The following FRMD3 variants were observed in gnomAD, a reference collection of about 807,000 sequenced individuals.
FRMD3 encodes the protein FERM domain-containing protein 3.
FRMD3 carries 33 observed loss-of-function variants against 70.2 expected under a neutral mutation model. The ratio of observed to expected loss-of-function variants is 0.47; its 90% CI spans 0.36 to 0.63. The LOEUF (loss-of-function observed/expected upper bound fraction) is 0.63. Ranked by LOEUF, FRMD3 falls within the 20% of genes least tolerant of loss-of-function variation. The pLI is 0.00. For missense variants in FRMD3, 632 were observed against 711.4 expected (o/e 0.89, Z 1.27); for synonymous variants, 279 against 255.9 (o/e 1.09, Z -0.86).
chr9:83,528,150 G>C (rs1385889426), intron 1 of FRMD3, among the ~76,000 whole-genome samples: 1 of 152,144 alleles, frequency 6.6e-6, no homozygotes, highest in Non-Finnish European at 1.5e-5. Flanking sequence ...ATCAAAAGAA[G>C]GGTCTCAAAA....
chr9:83,575,318 T>A, the FRMD3 span, among the ~76,000 whole-genome samples: 3 of 152,214 alleles, frequency 2.0e-5, no homozygotes, highest in Non-Finnish European at 2.9e-5. Flanking sequence ...CTCCCATATG[T>A]ACTCTTCCAG....
chr9:83,542,218 C>CA (rs1334140343), upstream of FRMD3, among the ~76,000 whole-genome samples: 1 of 152,082 alleles, frequency 6.6e-6, no homozygotes, highest in Non-Finnish European at 1.5e-5. Flanking sequence ...TATTCTTTAC[C>CA]AAAAAATATG....
intron 6 of FRMD3, among the ~76,000 whole-genome samples, chr9:83,331,635 G>A (rs1349841988): frequency 6.6e-6 from 1 of 152,136 alleles, no homozygotes; most frequent in Non-Finnish European, 1.5e-5. Flanking sequence ...TGTAATACAT[G>A]TACCACTCTA....
intron 1 of FRMD3, among the ~76,000 whole-genome samples, chr9:83,437,233 G>T (rs768004363): frequency 8.8e-4 from 134 of 152,146 alleles, no homozygotes; most frequent in Non-Finnish European, 1.5e-3. Flanking sequence ...TTGGTAAGTT[G>T]CAAATAATTT....
chr9:83,367,526 T>G (rs1027740619), intron 3 of FRMD3, among the ~76,000 whole-genome samples: 2 of 152,114 alleles, frequency 1.3e-5, no homozygotes, highest in African/African-American at 4.8e-5. Context: ...AAACTAGTGG[T>G]AAATTCACCA....
intron 1 of FRMD3, among the ~76,000 whole-genome samples, chr9:83,507,687 C>CAT (rs60192207): frequency 0.029 from 1,337 of 46,854 alleles, 246 homozygotes; most frequent in Non-Finnish European, 0.039. Context: ...AAAAAATATA[C>CAT]ATACATATAT....
chr9:83,431,791 T>C (rs1239857332), intron 1 of FRMD3, among the ~76,000 whole-genome samples: 1 of 152,230 alleles, frequency 6.6e-6, no homozygotes, highest in Non-Finnish European at 1.5e-5. Context: ...TATTTTTCCA[T>C]ACTCTCACCT....
At chr9:83,374,397 A>G (rs1220564885) in intron 2 of FRMD3, among the ~76,000 whole-genome samples, 1 of 74,832 alleles carries the variant, frequency 1.3e-5, no homozygotes, top group Non-Finnish European at 3.0e-5. Context: ...AAAAAAACAT[A>G]TATTTACCCC....
downstream of FRMD3, among the ~76,000 whole-genome samples, chr9:83,243,375 C>T (rs1831944298): frequency 6.6e-6 from 1 of 152,180 alleles, no homozygotes; most frequent in South Asian, 2.1e-4. Context: ...CAGAAGTCAC[C>T]CCAGGGGTGG....
At chr9:83,362,630 G>C (rs182946079) in intron 3 of FRMD3, among the ~76,000 whole-genome samples, 1 of 152,194 alleles carries the variant, frequency 6.6e-6, no homozygotes, top group African/African-American at 2.4e-5. Context: ...CCTCAGACAG[G>C]CACCAGCCAG....
At chr9:83,578,283 G>A in the FRMD3 span, among the ~76,000 whole-genome samples, 2 of 151,818 alleles carry the variant, frequency 1.3e-5, no homozygotes, top group African/African-American at 4.8e-5. Flanking sequence ...CTTCTCAAAT[G>A]CTTCTATAAA....
chr9:83,422,206 C>G (rs1051202307), intron 1 of FRMD3, among the ~76,000 whole-genome samples: 1 of 105,180 alleles, frequency 9.5e-6, no homozygotes, highest in African/African-American at 5.2e-5. Context: ...GCCTGGGCAG[C>G]AGAGTGAGAC....
rs776201740 is a variant in FRMD3 at position 83,247,935 on chromosome 9, T to G, written c.1777A>C (p.Met593Leu). The G allele has an allele frequency of 2.4e-5, 39 of 1,613,890 alleles. No individual in the cohort carries two copies. The highest frequency in any genetic ancestry group is 3.1e-5 in the Non-Finnish European group (37 of 1,179,960). The change falls in exon 14 of 14, where the codon ATG becomes CTG. Residue 593 changes from methionine to leucine, a missense_variant. Physicochemically the swap from Met to Leu is conservative, Grantham distance 15. Transcript: ENST00000304195. ...GATTAACTTCATGAGCAACCCAGCA[T>G]GTAGAGGATGAGGTGGACTTTCCCA... ...VAGKVHLILY[M>L]LGCS
At chr9:83,572,031 G>A in the FRMD3 span, among the ~76,000 whole-genome samples, 1 of 152,210 alleles carries the variant, frequency 6.6e-6, no homozygotes, top group Non-Finnish European at 1.5e-5. Flanking sequence ...CAAGCTCCCA[G>A]ATGATGCTAA....
At chr9:83,416,583 T>C (rs1245176044) in intron 1 of FRMD3, among the ~76,000 whole-genome samples, 1 of 152,234 alleles carries the variant, frequency 6.6e-6, no homozygotes, top group Non-Finnish European at 1.5e-5. Context: ...AGGCTAAATG[T>C]ATGCTAAATA....
intron 1 of FRMD3, among the ~76,000 whole-genome samples, chr9:83,458,235 G>A (rs531419931): frequency 1.3e-5 from 2 of 152,282 alleles, no homozygotes; most frequent in African/African-American, 4.8e-5. Flanking sequence ...CAGGGGCTTC[G>A]CTCACCTTCA....
chr9:83,389,358 C>T (rs1319212003), intron 2 of FRMD3, among the ~76,000 whole-genome samples: 8 of 152,120 alleles, frequency 5.3e-5, no homozygotes, highest in Non-Finnish European at 1.0e-4. Context: ...TCAAAGGGCA[C>T]AGGGACATTC....
intron 9 of FRMD3, among the ~76,000 whole-genome samples, chr9:83,310,049 C>G (rs1835292252): frequency 6.6e-6 from 1 of 152,210 alleles, no homozygotes; most frequent in Admixed American, 6.5e-5. Context: ...AATGCATTCC[C>G]TGGTGAATCC....
chr9:83,406,070 A>G (rs187304577), intron 1 of FRMD3, among the ~76,000 whole-genome samples: 21 of 152,048 alleles, frequency 1.4e-4, no homozygotes, highest in African/African-American at 4.8e-4. Context: ...TGGCTGTGCC[A>G]CTAATGCAAG....
Sources: allele counts gnomAD v4.1 joint callset (sites outside exome capture counted in the v4.1 genomes callset), GRCh38; gene constraint gnomAD v4.1.1; transcripts MANE v1.5; gene names NCBI Gene and HGNC (gene_info 2026-07-23, HGNC 2026-07-21).